NFAM1: variants seen among roughly 807,000 people sequenced by gnomAD.
The protein encoded by NFAM1 is NFAT activation molecule 1.
In NFAM1, 17 loss-of-function variants were observed where a neutral mutation model predicts 29.0. The ratio of observed to expected loss-of-function variants is 0.59; its 90% CI spans 0.40 to 0.88. NFAM1 has a LOEUF of 0.88. Ranked by LOEUF, NFAM1 falls within the 40% of genes least tolerant of loss-of-function variation. NFAM1 has a pLI of 0.00. For synonymous variants in NFAM1, 175 were observed against 147.2 expected, an observed-to-expected ratio of 1.19 and a Z score of -1.36; for missense variants, 324 against 344.6, an observed-to-expected ratio of 0.94 and a Z score of 0.47.
intron 1 of NFAM1, among the ~76,000 whole-genome samples, chr22:42,414,194 G>A (rs1036247333): frequency 6.6e-6 from 1 of 152,154 alleles, no homozygotes; most frequent in Non-Finnish European, 1.5e-5. Context: ...AACGACACTC[G>A]CTTGTGAAAT....
chr22:42,426,040 C>A (rs2146555937), intron 1 of NFAM1, among the ~76,000 whole-genome samples: 1 of 152,292 alleles, frequency 6.6e-6, no homozygotes, highest in Admixed American at 6.5e-5. Context: ...AGGATACCCT[C>A]CAGACCCAGG....
chr22:42,396,968 G>GGGGCGTGC (rs1929549952), intron 4 of NFAM1, among the ~76,000 whole-genome samples: 2 of 152,204 alleles, frequency 1.3e-5, no homozygotes, highest in African/African-American at 2.4e-5. Context: ...GTGCACCTGG[G>GGGGCGTGC]AACCTGCAGG....
chr22:42,431,230 G>A (rs1930786257), intron 1 of NFAM1, among the ~76,000 whole-genome samples: 1 of 152,190 alleles, frequency 6.6e-6, no homozygotes, highest in African/African-American at 2.4e-5. Context: ...TTAAAATGGT[G>A]CAGGTGAGGA....
intron 4 of NFAM1, among the ~76,000 whole-genome samples, chr22:42,390,775 C>T (rs2147091789): frequency 6.9e-6 from 1 of 145,474 alleles, no homozygotes; most frequent in African/African-American, 2.6e-5. Context: ...CAAGATTGTG[C>T]CACTGCACTC....
chr22:42,410,352 A>G, intron 2 of NFAM1: 1 of 329,832 alleles, frequency 3.0e-6, no homozygotes, highest in Non-Finnish European at 6.1e-6. Context: ...TGGGATCATC[A>G]CTCCTTTGAG....
chr22:42,415,628 C>A (rs1326330260), intron 1 of NFAM1, among the ~76,000 whole-genome samples: 1 of 152,150 alleles, frequency 6.6e-6, no homozygotes, highest in African/African-American at 2.4e-5. Context: ...GGCATCAGCA[C>A]CCCAGAGCTG....
intron 4 of NFAM1, among the ~76,000 whole-genome samples, chr22:42,391,855 G>T (rs1213972345): frequency 6.8e-6 from 1 of 146,250 alleles, no homozygotes; most frequent in African/African-American, 2.6e-5. Flanking sequence ...TGAGGCAAGA[G>T]AATCACTTGA....
intron 3 of NFAM1, among the ~76,000 whole-genome samples, chr22:42,402,548 G>A (rs1350844958): frequency 3.9e-5 from 6 of 152,194 alleles, no homozygotes; most frequent in Admixed American, 3.3e-4. Flanking sequence ...GCTGCCTATG[G>A]GGTGGGACAG....
At chr22:42,436,416 C>G (rs1285535245), upstream of NFAM1, among the ~76,000 whole-genome samples, 1 of 152,146 alleles carries the variant, frequency 6.6e-6, no homozygotes, top group Non-Finnish European at 1.5e-5. Context: ...CCGATCCACC[C>G]TCTCTCTCAA....
At chr22:42,435,245 C>T (rs1326811760), upstream of NFAM1, among the ~76,000 whole-genome samples, 2 of 152,138 alleles carry the variant, frequency 1.3e-5, no homozygotes, top group Non-Finnish European at 2.9e-5. Context: ...AATGGGGGAG[C>T]CCAGGTGTCC....
intron 4 of NFAM1, 106 bp from the exon 5 acceptor site, chr22:42,387,184 G>T: frequency 1.6e-6 from 1 of 621,782 alleles, no homozygotes; most frequent in East Asian, 3.3e-5. Context: ...TGGGAGCCCA[G>T]GGGAGGGTGA....
chr22:42,387,912 G>A (rs991952059), intron 4 of NFAM1, among the ~76,000 whole-genome samples: 1 of 152,172 alleles, frequency 6.6e-6, no homozygotes, highest in African/African-American at 2.4e-5. Context: ...CTGGCCTCAC[G>A]GCTCCTGCAC....
At chr22:42,435,806 T>C (rs1569239578), upstream of NFAM1, among the ~76,000 whole-genome samples, 1 of 146,720 alleles carries the variant, frequency 6.8e-6, no homozygotes, top group East Asian at 1.9e-4. Flanking sequence ...AAGATTTCCT[T>C]TTCTTCTTCT....
At chr22:42,389,168 CT>C (rs2147090290) in intron 4 of NFAM1, among the ~76,000 whole-genome samples, 1 of 152,316 alleles carries the variant, frequency 6.6e-6, no homozygotes, top group African/African-American at 2.4e-5. Flanking sequence ...TTCCCTCTCC[CT>C]CCTGTCCAGC....
chr22:42,435,440 C>A (rs368479730), upstream of NFAM1, among the ~76,000 whole-genome samples: 9 of 151,930 alleles, frequency 5.9e-5, no homozygotes, highest in African/African-American at 2.2e-4. Context: ...CTCTGCCTCC[C>A]GGGTTCAAGT....
At chr22:42,435,815 C>CTTTT (rs890914167), upstream of NFAM1, among the ~76,000 whole-genome samples, 25 of 94,218 alleles carry the variant, frequency 2.7e-4, no homozygotes, top group East Asian at 4.8e-4. Flanking sequence ...TTTTCTTCTT[C>CTTTT]TTTTTTTTTT....
upstream of NFAM1, among the ~76,000 whole-genome samples, chr22:42,436,502 G>A (rs1025919812): frequency 2.0e-5 from 3 of 152,144 alleles, no homozygotes; most frequent in African/African-American, 2.4e-5. Context: ...CTTGTGCCTC[G>A]CAGTGGCCCT....
chr22:42,383,734 C>T lies in NFAM1; in HGVS notation c.*1427G>A, dbSNP rs1929036518. ...TGCTGCTTGGGGGCAGGGGCGGGGC[C>T]TGTGCCTTGGGTTCCCCCCCCTCCC... On this transcript the variant is annotated 3_prime_UTR_variant, in exon 6 of 6. Transcript: ENST00000329021. 6.6e-6 allele frequency: 1 copy of T among 152,668 alleles called. No individual in the cohort carries two copies. The highest frequency in any genetic ancestry group is 2.4e-5 in the African/African-American group (1 of 41,396). 9.5% of individuals were successfully genotyped at this position (152,668 alleles called of 1,614,324 possible).
At chr22:42,386,863 C>A in intron 5 of NFAM1, 126 bp downstream of exon 5, 1 of 595,592 alleles carries the variant, frequency 1.7e-6, no homozygotes, top group Non-Finnish European at 3.0e-6. Context: ...CAGCTGCCAC[C>A]AGGAGATGGC....
Sources: allele counts gnomAD v4.1 joint callset (sites outside exome capture counted in the v4.1 genomes callset), GRCh38; gene constraint gnomAD v4.1.1; transcripts MANE v1.5; gene names NCBI Gene and HGNC (gene_info 2026-07-23, HGNC 2026-07-21).